Variants in MCC observed in about 807,000 individuals in gnomAD.
MCC encodes the protein MCC regulator of Wnt signaling pathway.
Under a neutral mutation model 116.2 loss-of-function variants are expected in MCC, and 90 were observed. The ratio of observed to expected loss-of-function variants is 0.77; its 90% CI spans 0.65 to 0.92. The LOEUF (loss-of-function observed/expected upper bound fraction) is 0.92, where lower values mean the gene tolerates loss of function less well. Ranked by LOEUF, MCC falls within the 40% of genes least tolerant of loss-of-function variation. The pLI, the probability that MCC is intolerant of heterozygous loss-of-function variation, is 0.00. For synonymous variants in MCC, 578 were observed against 510.5 expected, an observed-to-expected ratio of 1.13 and a Z score of -1.78; for missense variants, 1,516 against 1,312.2, an observed-to-expected ratio of 1.16 and a Z score of -2.40.
chr5:113,363,632 T>C (rs60630105), intron 2 of MCC, among the ~76,000 whole-genome samples: 5,638 of 152,234 alleles, frequency 0.037, 363 homozygotes, highest in African/African-American at 0.13. Flanking sequence ...ACTCCAACAC[T>C]TGGGATTACA....
At chr5:113,438,757 A>G (rs986649734) in intron 1 of MCC, among the ~76,000 whole-genome samples, 1 of 152,262 alleles carries the variant, frequency 6.6e-6, no homozygotes, top group Admixed American at 6.5e-5. Flanking sequence ...GGGAAGCTAA[A>G]AACACTACGA....
chr5:113,249,499 C>G (rs1413605044), intron 3 of MCC, among the ~76,000 whole-genome samples: 1 of 152,224 alleles, frequency 6.6e-6, no homozygotes, highest in African/African-American at 2.4e-5. Context: ...GTCTGCCAAA[C>G]ATATGCCCTG....
At chr5:113,146,378 C>T (rs966318936) in intron 4 of MCC, among the ~76,000 whole-genome samples, 3 of 5,248 alleles carry the variant, frequency 5.7e-4, no homozygotes, top group Non-Finnish European at 1.6e-3. Context: ...CTATGTCTTC[C>T]TCCCCCAGCT....
intron 1 of MCC, among the ~76,000 whole-genome samples, chr5:113,402,314 CA>C (rs1769715745): frequency 7.3e-6 from 1 of 137,406 alleles, no homozygotes; most frequent in African/African-American, 2.9e-5. Flanking sequence ...AAAAAAAACA[CA>C]CTCAGCTAAT....
chr5:113,305,986 C>A (rs1314987049), intron 3 of MCC, among the ~76,000 whole-genome samples: 1 of 152,174 alleles, frequency 6.6e-6, no homozygotes, highest in Non-Finnish European at 1.5e-5. Flanking sequence ...TCTGGACACA[C>A]CATATAAACA....
chr5:113,470,468 T>C (rs988167735), intron 1 of MCC, among the ~76,000 whole-genome samples: 87 of 152,290 alleles, frequency 5.7e-4, no homozygotes, highest in African/African-American at 2.0e-3. Context: ...TATGAAATTC[T>C]GGGTTGAAAA....
intron 3 of MCC, among the ~76,000 whole-genome samples, chr5:113,320,828 T>C (rs1443683): frequency 0.15 from 23,221 of 152,254 alleles, 2,578 homozygotes; most frequent in Admixed American, 0.28. Flanking sequence ...TACAATATAA[T>C]GTGGCCAGAA....
intron 17 of MCC, among the ~76,000 whole-genome samples, chr5:113,042,474 C>CAAAA (rs5870523): frequency 8.8e-5 from 6 of 68,458 alleles, no homozygotes; most frequent in Admixed American, 5.7e-4. Context: ...GACCCTCTCT[C>CAAAA]AAAAAAAAAA....
intron 5 of MCC, among the ~76,000 whole-genome samples, chr5:113,133,677 T>A (rs1260132583): frequency 1.3e-5 from 2 of 152,164 alleles, no homozygotes; most frequent in South Asian, 2.1e-4. Flanking sequence ...GTAGTTCTAT[T>A]TTGAGTTTTT....
chr5:113,327,884 A>C (rs926125320), intron 3 of MCC, among the ~76,000 whole-genome samples: 1 of 151,916 alleles, frequency 6.6e-6, no homozygotes, highest in Non-Finnish European at 1.5e-5. Flanking sequence ...AAATATGAGG[A>C]ATATTTAGGA....
At chr5:113,333,671 C>T (rs1173454683) in intron 3 of MCC, among the ~76,000 whole-genome samples, 3 of 149,664 alleles carry the variant, frequency 2.0e-5, no homozygotes, top group Non-Finnish European at 4.4e-5. Flanking sequence ...ACTGTGTTTA[C>T]AGCTTCATCA....
At chr5:113,479,440 A>C (rs1772315071) in intron 1 of MCC, among the ~76,000 whole-genome samples, 1 of 152,186 alleles carries the variant, frequency 6.6e-6, no homozygotes, top group Admixed American at 6.5e-5. Context: ...TACACTTTAA[A>C]TGGGTTCCTT....
chr5:113,232,978 G>A (rs1454295521), intron 3 of MCC, among the ~76,000 whole-genome samples: 4 of 152,180 alleles, frequency 2.6e-5, no homozygotes, highest in African/African-American at 9.7e-5. Context: ...GGAGCAGGCA[G>A]TTATTTTCAA....
intron 8 of MCC, among the ~76,000 whole-genome samples, chr5:113,086,047 C>T (rs1473081936): frequency 6.6e-6 from 1 of 152,224 alleles, no homozygotes. Context: ...CCTGACTGTG[C>T]TGGGGACTGC....
intron 14 of MCC, among the ~76,000 whole-genome samples, chr5:113,054,462 T>C (rs183097108): frequency 1.6e-4 from 24 of 152,338 alleles, no homozygotes; most frequent in Admixed American, 6.5e-5. Context: ...GCAACAAAAG[T>C]TGAAGCACAA....
intron 1 of MCC, among the ~76,000 whole-genome samples, chr5:113,395,523 C>T (rs1213626604): frequency 6.6e-6 from 1 of 152,176 alleles, no homozygotes; most frequent in African/African-American, 2.4e-5. Flanking sequence ...ATTTACTGAG[C>T]ACCAGGCGTA....
intron 3 of MCC, among the ~76,000 whole-genome samples, chr5:113,184,462 T>G (rs1400728283): frequency 6.7e-6 from 1 of 149,144 alleles, no homozygotes; most frequent in Non-Finnish European, 1.5e-5. Context: ...GCAATTTAGT[T>G]TCTTTCTTCG....
intron 17 of MCC, among the ~76,000 whole-genome samples, chr5:113,039,683 A>T (rs1751556086): frequency 6.6e-6 from 1 of 151,298 alleles, no homozygotes; most frequent in South Asian, 2.1e-4. Context: ...ACCTTGAGAG[A>T]TCACTCAGCC....
intron 3 of MCC, among the ~76,000 whole-genome samples, chr5:113,316,076 T>C (rs1767272472): frequency 6.6e-6 from 1 of 151,854 alleles, no homozygotes; most frequent in South Asian, 2.1e-4. Context: ...ACCAACAAGG[T>C]GAAACCCGGT....
Sources: gnomAD v4.1 joint callset for allele counts (sites outside exome capture counted in the v4.1 genomes callset) on GRCh38, gnomAD v4.1.1 for gene constraint, MANE v1.5 for transcripts, NCBI Gene and HGNC (gene_info 2026-07-23, HGNC 2026-07-21) for gene names.